The following CDIP1 variants were observed in gnomAD, a reference collection of about 807,000 sequenced individuals.
CDIP1 encodes the protein cell death inducing p53 target 1.
In CDIP1, 9 loss-of-function variants were observed where a neutral mutation model predicts 17.7. The observed-to-expected ratio is 0.51, with a 90% CI of 0.31 to 0.89. The LOEUF (loss-of-function observed/expected upper bound fraction) is 0.89. Ranked by LOEUF, CDIP1 falls within the 40% of genes least tolerant of loss-of-function variation. CDIP1 has a pLI of 0.05. For synonymous variants in CDIP1, 117 were observed against 109.5 expected (o/e 1.07, Z -0.43); for missense variants, 263 against 277.9 (o/e 0.95, Z 0.38).
chr16:4,535,580 G>A (rs369989311), intron 1 of CDIP1, among the ~76,000 whole-genome samples: 6 of 152,220 alleles, frequency 3.9e-5, no homozygotes, highest in Admixed American at 6.5e-5. Flanking sequence ...TCACAGACGC[G>A]GCCAGCAAGG....
At chr16:4,523,058 C>T (rs138603277) in intron 1 of CDIP1, among the ~76,000 whole-genome samples, 4 of 152,354 alleles carry the variant, frequency 2.6e-5, no homozygotes, top group Non-Finnish European at 5.9e-5. Context: ...CCGCTGACCA[C>T]GTAGCTGTTC....
intron 1 of CDIP1, among the ~76,000 whole-genome samples, chr16:4,515,278 CAG>C (rs1199039774): frequency 6.6e-6 from 1 of 152,264 alleles, no homozygotes; most frequent in African/African-American, 2.4e-5. Context: ...TTTAACAAAT[CAG>C]GGGCAGGGCC....
chr16:4,517,747 CAAA>C (rs777756237), intron 1 of CDIP1, among the ~76,000 whole-genome samples: 48 of 88,896 alleles, frequency 5.4e-4, no homozygotes, highest in African/African-American at 1.2e-3. Flanking sequence ...TCTCAAAAAA[CAAA>C]AAAAAAAAAA....
Position 4,513,729 on chromosome 16 carries a change from G to A in CDIP1, c.208C>T (p.His70Tyr). 10 of 1,613,828 alleles carry A rather than the reference G, an allele frequency of 6.2e-6. No individual in the cohort carries two copies. Among genetic ancestry groups the A allele is most frequent in the Non-Finnish European group, 8.5e-6 (10 of 1,179,838 alleles). ...PMPQPGFIPP[H>Y]MSADGTYMPP... is the part of the protein sequence containing the mutation. ...ATGTAGGTGCCATCTGCACTCATGT[G>A]TGGTGGGATGAAGCCAGGCTGGGGC... Residue 70 changes from histidine to tyrosine, a missense_variant, in exon 4 of 6, where the codon CAC (histidine) becomes TAC (tyrosine). Physicochemically the swap from His to Tyr is moderately conservative, Grantham distance 83. Transcript: ENST00000567695. This position sits in a 1 kb window ranked among gnomAD's most constrained non-coding sequence, Gnocchi z 4.1.
At chr16:4,519,015 G>A (rs2058917109) in intron 1 of CDIP1, among the ~76,000 whole-genome samples, 1 of 152,152 alleles carries the variant, frequency 6.6e-6, no homozygotes, top group African/African-American at 2.4e-5. Context: ...AAATCCAAGA[G>A]AGGCTTCTTG....
chr16:4,518,079 C>T (rs1232358418), intron 1 of CDIP1, among the ~76,000 whole-genome samples: 1 of 152,120 alleles, frequency 6.6e-6, no homozygotes, highest in Non-Finnish European at 1.5e-5. Flanking sequence ...CTGAGCAGAC[C>T]AGGAAAATAA....
intron 1 of CDIP1, among the ~76,000 whole-genome samples, chr16:4,534,701 T>TTG (rs1555502558): frequency 2.8e-5 from 4 of 144,150 alleles, no homozygotes; most frequent in African/African-American, 5.2e-5. Context: ...TTTTTTTTTT[T>TTG]TTTTTTTTTT....
At chr16:4,524,018 AC>A (rs1236273994) in intron 1 of CDIP1, 1 of 152,198 alleles carries the variant, frequency 6.6e-6, no homozygotes, top group African/African-American at 2.4e-5. Flanking sequence ...GCATTGTGGC[AC>A]TTGGAAACAA....
chr16:4,528,134 T>C (rs901477483), intron 1 of CDIP1, among the ~76,000 whole-genome samples: 5 of 152,202 alleles, frequency 3.3e-5, no homozygotes, highest in South Asian at 2.1e-4. Context: ...TAGATTTTTA[T>C]TGACATAGAA....
chr16:4,528,683 CAAAAAAAAA>C (rs374609894), intron 1 of CDIP1, among the ~76,000 whole-genome samples: 2 of 50,936 alleles, frequency 3.9e-5, no homozygotes, highest in Non-Finnish European at 3.3e-5. Flanking sequence ...AACCCTGTCT[CAAAAAAAAA>C]AAAAAAAAAA....
At chr16:4,531,992 G>A (rs2059061067) in intron 1 of CDIP1, among the ~76,000 whole-genome samples, 1 of 152,270 alleles carries the variant, frequency 6.6e-6, no homozygotes, top group Admixed American at 6.5e-5. Context: ...GCCTCTAGCA[G>A]GGGGAGTGCC....
intron 1 of CDIP1, among the ~76,000 whole-genome samples, chr16:4,524,494 G>A (rs1414902852): frequency 6.6e-6 from 1 of 152,160 alleles, no homozygotes; most frequent in Non-Finnish European, 1.5e-5. Flanking sequence ...ACAAAGCTTT[G>A]GCTAATGAGC....
intron 1 of CDIP1, chr16:4,532,479 G>A (rs1282637668): frequency 6.6e-6 from 1 of 152,360 alleles, no homozygotes; most frequent in Admixed American, 6.5e-5. Flanking sequence ...ACTGAGCAGG[G>A]AACACTCCGT....
chr16:4,514,230 GCACAAGGCGTGTGACCATCCT>G lies in CDIP1; in HGVS notation c.-14-107_-14-87del. 1 of 747,206 alleles carries G rather than the reference GCACAAGGCGTGTGACCATCCT, an allele frequency of 1.3e-6. No homozygotes were observed. The highest frequency in any genetic ancestry group is 2.2e-6 in the Non-Finnish European group (1 of 463,970). The allele number at this position is 747,206 out of a possible 1,614,324, so 46.3% of individuals were successfully genotyped here. A position where few individuals can be genotyped will look rare whatever the true frequency, so the allele number is the denominator to read the frequency against. The stretch of plus-strand genomic sequence containing the variant: ...AGCCCTGTGGGGTGGCCAAGATGCT[GCACAAGGCGTGTGACCATCCT>G]CAGAAGGGTCTGCCTCCAGGCACTG... On this transcript the variant is annotated intron_variant, in intron 2 of 5. Coordinates refer to ENST00000567695, the MANE Select transcript of CDIP1 (RefSeq NM_013399.3). This position sits in a 1 kb window ranked among gnomAD's most constrained non-coding sequence, Gnocchi z 5.2.
chr16:4,517,166 G>C (rs1399631089), intron 1 of CDIP1, among the ~76,000 whole-genome samples: 1 of 152,204 alleles, frequency 6.6e-6, no homozygotes, highest in South Asian at 2.1e-4. Context: ...AAGGACATGA[G>C]CATTTTATGC....
intron 1 of CDIP1, among the ~76,000 whole-genome samples, chr16:4,527,382 C>T (rs8046514): frequency 0.032 from 4,863 of 152,154 alleles, 274 homozygotes; most frequent in African/African-American, 0.11. Context: ...CCACCGCACC[C>T]GGTGACACTG....
chr16:4,519,731 A>G (rs955304708), intron 1 of CDIP1, among the ~76,000 whole-genome samples: 1 of 151,660 alleles, frequency 6.6e-6, no homozygotes, highest in African/African-American at 2.4e-5. Flanking sequence ...GTGACTTCTC[A>G]CTCTGTTAGT....
At chr16:4,529,545 A>G (rs991981208) in intron 1 of CDIP1, among the ~76,000 whole-genome samples, 4 of 152,206 alleles carry the variant, frequency 2.6e-5, no homozygotes, top group Admixed American at 6.5e-5. Flanking sequence ...AAAAAATCAG[A>G]CACAGCTCAA....
chr16:4,517,707 C>T (rs1037930598), intron 1 of CDIP1, among the ~76,000 whole-genome samples: 1 of 151,814 alleles, frequency 6.6e-6, no homozygotes, highest in African/African-American at 2.4e-5. Flanking sequence ...GGCCACTGCA[C>T]TCTAGCCTGG....
Sources: allele counts gnomAD v4.1 joint callset (sites outside exome capture counted in the v4.1 genomes callset), GRCh38; gene constraint gnomAD v4.1.1; non-coding constraint Gnocchi (gnomAD v3.1); transcripts MANE v1.5; gene names NCBI Gene and HGNC (gene_info 2026-07-23, HGNC 2026-07-21).